GPR176: variants seen among roughly 807,000 people sequenced by gnomAD.
GPR176 encodes G-protein coupled receptor 176.
Under a neutral mutation model 35.4 loss-of-function variants are expected in GPR176, and 26 were observed. That is an observed-to-expected ratio of 0.74 (90% CI 0.54 to 1.02). The LOEUF (loss-of-function observed/expected upper bound fraction) is 1.02. Ranked by LOEUF, GPR176 falls within the 50% of genes least tolerant of loss-of-function variation. GPR176 has a pLI of 0.00. For synonymous variants in GPR176, 278 were observed against 271.3 expected (o/e 1.02, Z -0.24); for missense variants, 597 against 665.3 (o/e 0.90, Z 1.13).
At chr15:39,852,152 T>C (rs1000149875) in intron 1 of GPR176, among the ~76,000 whole-genome samples, 8 of 152,186 alleles carry the variant, frequency 5.3e-5, no homozygotes, top group African/African-American at 7.2e-5. Flanking sequence ...ATTTTCTCAA[T>C]TGTAATATTA....
At chr15:39,809,682 A>G (rs893018249) in intron 1 of GPR176, among the ~76,000 whole-genome samples, 1 of 152,116 alleles carries the variant, frequency 6.6e-6, no homozygotes, top group Non-Finnish European at 1.5e-5. Context: ...CCATGACAAT[A>G]CTCAACGCCA....
In GPR176 at chr15:39,825,950, T is replaced by C. The variant is rs963191560; in HGVS notation, c.173-18692A>G. Among the ~76,000 whole-genome samples, 3 of 152,204 alleles carry C rather than the reference T, an allele frequency of 2.0e-5. No homozygotes were observed. The East Asian group carries it at 5.8e-4, about 29-fold the overall frequency. ...TCCAGCTGGTTCAGGGTTGGATGGT[T>C]CTCTGAGTCCACCATAAGTGCAGCA... On this transcript the variant is annotated intron_variant, in intron 1 of 2. Transcript: ENST00000561100.
At chr15:39,910,677 G>A (rs952029648) in intron 1 of GPR176, among the ~76,000 whole-genome samples, 1 of 152,128 alleles carries the variant, frequency 6.6e-6, no homozygotes, top group Admixed American at 6.6e-5. Context: ...ACTAGCTCTG[G>A]AATAGACAAG....
intron 1 of GPR176, among the ~76,000 whole-genome samples, chr15:39,873,742 T>C: frequency 6.6e-6 from 1 of 151,962 alleles, no homozygotes; most frequent in South Asian, 2.1e-4. Context: ...CCCTGCACCT[T>C]CACCATCACC....
At chr15:39,847,031 A>G (rs547054032) in intron 1 of GPR176, among the ~76,000 whole-genome samples, 1 of 152,262 alleles carries the variant, frequency 6.6e-6, no homozygotes, top group African/African-American at 2.4e-5. Flanking sequence ...ATAAAGGGAG[A>G]AAAAGTTTCT....
intron 1 of GPR176, among the ~76,000 whole-genome samples, chr15:39,891,061 A>G (rs1327971018): frequency 1.3e-5 from 2 of 152,014 alleles, no homozygotes; most frequent in African/African-American, 4.8e-5. Context: ...CAATGATGAT[A>G]ATAAAGATAA....
chr15:39,802,431 A>G (rs1898943931), intron 2 of GPR176, among the ~76,000 whole-genome samples, 177 bp from the exon 3 acceptor site: 1 of 152,260 alleles, frequency 6.6e-6, no homozygotes, highest in Non-Finnish European at 1.5e-5. Flanking sequence ...CTTTGCAAGT[A>G]CAATAAGAAG....
intron 1 of GPR176, among the ~76,000 whole-genome samples, chr15:39,808,675 T>A (rs1372327637): frequency 1.3e-5 from 2 of 152,222 alleles, no homozygotes; most frequent in Non-Finnish European, 2.9e-5. Flanking sequence ...CTGTTGTAAC[T>A]CCATGCCTAG....
intron 1 of GPR176, among the ~76,000 whole-genome samples, chr15:39,893,529 C>T (rs1399918135): frequency 1.3e-5 from 2 of 152,318 alleles, no homozygotes; most frequent in South Asian, 2.1e-4. Flanking sequence ...GGCAACCATC[C>T]GATTTCTCAA....
intron 1 of GPR176, among the ~76,000 whole-genome samples, chr15:39,824,937 GC>G (rs1900525440): frequency 6.6e-6 from 1 of 152,142 alleles, no homozygotes; most frequent in South Asian, 2.1e-4. Context: ...GGATGTGGTG[GC>G]TCATGCCTGT....
intron 1 of GPR176, among the ~76,000 whole-genome samples, chr15:39,875,158 G>T (rs2032194926): frequency 6.6e-6 from 1 of 152,150 alleles, no homozygotes; most frequent in Non-Finnish European, 1.5e-5. Flanking sequence ...ATCTGTTGGT[G>T]CCAGGCAGAG....
intron 1 of GPR176, among the ~76,000 whole-genome samples, chr15:39,869,553 T>C (rs987413572): frequency 6.6e-6 from 1 of 152,206 alleles, no homozygotes; most frequent in African/African-American, 2.4e-5. Flanking sequence ...TGTGGCCAAA[T>C]TGTACTTCTC....
At chr15:39,918,044 T>TAAAA (rs11410825) in intron 1 of GPR176, among the ~76,000 whole-genome samples, 6 of 111,434 alleles carry the variant, frequency 5.4e-5, no homozygotes, top group African/African-American at 1.7e-4. Flanking sequence ...AAACTCTGTC[T>TAAAA]AAAAAAAAAA....
At chr15:39,811,907 C>T (rs1207276840) in intron 1 of GPR176, among the ~76,000 whole-genome samples, 1 of 148,594 alleles carries the variant, frequency 6.7e-6, no homozygotes, top group East Asian at 2.0e-4. Context: ...CAGAGCGAGA[C>T]TCCGTCTCAA....
At chr15:39,849,527 A>C (rs1237211872) in intron 1 of GPR176, among the ~76,000 whole-genome samples, 2 of 152,194 alleles carry the variant, frequency 1.3e-5, no homozygotes, top group Non-Finnish European at 2.9e-5. Flanking sequence ...AGTCTTAACG[A>C]AAGATTAGCT....
intron 1 of GPR176, among the ~76,000 whole-genome samples, chr15:39,812,786 G>C (rs570276912): frequency 3.2e-4 from 47 of 148,264 alleles, no homozygotes; most frequent in African/African-American, 1.1e-3. Context: ...CTGTTGCCCA[G>C]TCTGGAGTGC....
intron 1 of GPR176, among the ~76,000 whole-genome samples, chr15:39,871,242 C>T (rs1305651303): frequency 6.6e-6 from 1 of 152,100 alleles, no homozygotes; most frequent in African/African-American, 2.4e-5. Flanking sequence ...GGGTTCATAA[C>T]TTGCATCATA....
At chr15:39,887,097 C>A (rs1348140582) in intron 1 of GPR176, among the ~76,000 whole-genome samples, 2 of 152,182 alleles carry the variant, frequency 1.3e-5, no homozygotes, top group African/African-American at 4.8e-5. Flanking sequence ...ATTCCTAAGC[C>A]TCACTCCAGA....
chr15:39,867,867 C>T (rs1376516963), intron 1 of GPR176, among the ~76,000 whole-genome samples: 1 of 152,092 alleles, frequency 6.6e-6, no homozygotes, highest in Non-Finnish European at 1.5e-5. Context: ...ATGTGAACTA[C>T]AGCAACTCTG....
Sources: allele counts gnomAD v4.1 joint callset (sites outside exome capture counted in the v4.1 genomes callset), GRCh38; gene constraint gnomAD v4.1.1; transcripts MANE v1.5; gene names NCBI Gene and HGNC (gene_info 2026-07-23, HGNC 2026-07-21).